Variants in SLCO3A1 observed in about 807,000 individuals in gnomAD.
SLCO3A1 encodes the protein PGE1 transporter.
Under a neutral mutation model 63.1 loss-of-function variants are expected in SLCO3A1, and 27 were observed. The ratio of observed to expected loss-of-function variants is 0.43; its 90% CI spans 0.32 to 0.59. The LOEUF is 0.59. Ranked by LOEUF, SLCO3A1 falls within the 20% of genes least tolerant of loss-of-function variation. The pLI, the probability that SLCO3A1 is intolerant of heterozygous loss-of-function variation, is 0.09. For missense variants in SLCO3A1, 773 were observed against 945.8 expected (o/e 0.82, Z 2.40); for synonymous variants, 473 against 409.9 (o/e 1.15, Z -1.86).
At chr15:92,000,412 A>T (rs1295970170) in intron 2 of SLCO3A1, among the ~76,000 whole-genome samples, 2 of 152,008 alleles carry the variant, frequency 1.3e-5, no homozygotes, top group East Asian at 1.9e-4. Flanking sequence ...TTAAAAAAAA[A>T]AAAAGAATCT....
At chr15:91,857,659 T>C (rs1474510752) in intron 1 of SLCO3A1, among the ~76,000 whole-genome samples, 2 of 152,144 alleles carry the variant, frequency 1.3e-5, no homozygotes, top group African/African-American at 2.4e-5. Flanking sequence ...TGTGTGCCTA[T>C]TGGTGTTTTG....
Position 92,157,876 on chromosome 15 carries a change from T to A in SLCO3A1, c.1754-4880T>A, listed in dbSNP as rs1169158381. ...CTGCCTGAAGGTATGATCGTGCCCA[T>A]TGTATAAACAGTGAAACTGAGATTC... On this transcript the variant is annotated intron_variant, in intron 9 of 9. Transcript: ENST00000318445. Among the ~76,000 whole-genome samples, 3 of 152,154 alleles carry A rather than the reference T, an allele frequency of 2.0e-5. No individual in the cohort carries two copies. In the South Asian group the frequency reaches 6.2e-4, roughly 32 times the overall value.
At chr15:92,021,204 G>A (rs1393902501) in intron 2 of SLCO3A1, among the ~76,000 whole-genome samples, 1 of 152,150 alleles carries the variant, frequency 6.6e-6, no homozygotes, top group Non-Finnish European at 1.5e-5. Context: ...CCTTGATAGT[G>A]CAGCAGAAGG....
At chr15:91,993,041 C>T (rs945164777) in intron 2 of SLCO3A1, among the ~76,000 whole-genome samples, 1 of 152,172 alleles carries the variant, frequency 6.6e-6, no homozygotes, top group African/African-American at 2.4e-5. Context: ...TACAACCTTT[C>T]TGGCGTGTGT....
chr15:91,961,716 C>G (rs1371525116), intron 2 of SLCO3A1, among the ~76,000 whole-genome samples: 1 of 152,236 alleles, frequency 6.6e-6, no homozygotes, highest in Non-Finnish European at 1.5e-5. Flanking sequence ...CACCTTTACT[C>G]TTAGTCGCCT....
chr15:92,115,079 A>G (rs2047777580), intron 4 of SLCO3A1, among the ~76,000 whole-genome samples: 1 of 148,594 alleles, frequency 6.7e-6, no homozygotes, highest in Non-Finnish European at 1.5e-5. Context: ...AAGAAAGTCA[A>G]GGCCAACTTC....
intron 2 of SLCO3A1, among the ~76,000 whole-genome samples, chr15:92,005,862 G>A (rs1315832891): frequency 1.3e-5 from 2 of 152,166 alleles, no homozygotes; most frequent in Non-Finnish European, 2.9e-5. Context: ...TCAAGTGGAT[G>A]TGAATTCCAC....
At chr15:91,996,153 TACA>T in intron 2 of SLCO3A1, among the ~76,000 whole-genome samples, 1 of 152,250 alleles carries the variant, frequency 6.6e-6, no homozygotes, top group Admixed American at 6.5e-5. Context: ...ATTTAACAGC[TACA>T]ACATCAGTGT....
At chr15:92,136,964 C>CT (rs1240629630) in intron 7 of SLCO3A1, among the ~76,000 whole-genome samples, 1 of 114,558 alleles carries the variant, frequency 8.7e-6, no homozygotes, top group Non-Finnish European at 1.8e-5. Flanking sequence ...ACCAAGTAGT[C>CT]TGTCTTTTTT....
Position 92,150,789 on chromosome 15 carries a change from GA to G in SLCO3A1, c.1689-150del, listed in dbSNP as rs375519277. Among the ~76,000 whole-genome samples the G allele has an allele frequency of 3.1e-3, 425 of 136,112 alleles. 1 individual carries two copies. Among genetic ancestry groups the G allele is most frequent in the African/African-American group, 5.8e-3 (212 of 36,614 alleles). 89.3% of individuals were successfully genotyped at this position (136,112 alleles called of 152,430 possible). Reference sequence around the variant, plus strand: ...GCAGTTATTTTTCAGACTTTAGGCAGAAAAAAAAAAAGACACTATTAGTAAT... The same window carrying G: ...GCAGTTATTTTTCAGACTTTAGGCAGAAAAAAAAAAGACACTATTAGTAAT... On this transcript the variant is annotated intron_variant, in intron 8 of 9. Transcript: ENST00000318445.
chr15:91,892,929 A>G (rs1292631648), intron 1 of SLCO3A1, among the ~76,000 whole-genome samples: 1 of 152,266 alleles, frequency 6.6e-6, no homozygotes, highest in Non-Finnish European at 1.5e-5. Context: ...AATCTGGTGC[A>G]TAGCAGGTGC....
At chr15:92,160,838 AACT>A (rs2048427917) in intron 9 of SLCO3A1, among the ~76,000 whole-genome samples, 1 of 152,164 alleles carries the variant, frequency 6.6e-6, no homozygotes, top group South Asian at 2.1e-4. Context: ...CTCTCTCCCC[AACT>A]GCCTTTGGAG....
chr15:92,123,532 CA>C (rs1478318416), intron 5 of SLCO3A1, among the ~76,000 whole-genome samples: 2 of 152,190 alleles, frequency 1.3e-5, no homozygotes, highest in East Asian at 3.8e-4. Context: ...TTCTTTTACA[CA>C]AAGAACTCTC....
At position 92,116,679 on chromosome 15, in the gene SLCO3A1, C is replaced by T. The variant is rs182550289; in HGVS notation, c.1010-3786C>T. 5.3e-5 allele frequency among the ~76,000 whole-genome samples: 8 copies of T among 152,316 alleles called. No individual in the cohort carries two copies. In the East Asian group the frequency reaches 1.5e-3, roughly 29 times the overall value. ...TTAACAATCTGTTTGAATGCAAAAG[C>T]TTGAAACACAGGGTTGGCCCTAGGA... On this transcript the variant is annotated intron_variant, in intron 4 of 9. Transcript: ENST00000318445.
At chr15:92,069,096 G>GCCC (rs56003783) in intron 2 of SLCO3A1, among the ~76,000 whole-genome samples, 2 of 115,740 alleles carry the variant, frequency 1.7e-5, no homozygotes, top group African/African-American at 6.8e-5. Flanking sequence ...GGCTCCCCCC[G>GCCC]CCCCCCCCCC....
At chr15:92,112,064 A>G (rs895189596) in intron 4 of SLCO3A1, among the ~76,000 whole-genome samples, 1 of 152,214 alleles carries the variant, frequency 6.6e-6, no homozygotes, top group East Asian at 1.9e-4. Flanking sequence ...AAAGGGATGA[A>G]CTGAGGACCA....
intron 2 of SLCO3A1, among the ~76,000 whole-genome samples, chr15:91,926,029 T>G (rs1306994629): frequency 5.9e-5 from 9 of 152,130 alleles, no homozygotes; most frequent in Non-Finnish European, 1.3e-4. Context: ...AGGGATAGAG[T>G]CCAGGGGAAA....
In SLCO3A1 at chr15:91,900,557, G is replaced by C. The variant is rs768159045; in HGVS notation, c.181-15436G>C. ...TTGGCCAGGCTTGTCTCAAACTGCT[G>C]ACCTCAGGTGATCCGCCCGCCTTGG... On this transcript the variant is annotated intron_variant, in intron 1 of 9. Transcript: ENST00000318445. This position sits in a 1 kb window ranked among gnomAD's most constrained non-coding sequence, Gnocchi z 4.3. Among the ~76,000 whole-genome samples the C allele has an allele frequency of 9.2e-5, 14 of 152,156 alleles. No homozygotes were observed. The highest frequency in any genetic ancestry group is 1.5e-4 in the Non-Finnish European group (10 of 68,032).
intron 7 of SLCO3A1, among the ~76,000 whole-genome samples, chr15:92,139,068 A>C (rs2048094461): frequency 1.4e-5 from 2 of 147,698 alleles, no homozygotes. Flanking sequence ...TTCAAAGGGC[A>C]TGCTTCCAGT....
Sources: gnomAD v4.1 joint callset for allele counts (sites outside exome capture counted in the v4.1 genomes callset) on GRCh38, gnomAD v4.1.1 for gene constraint, Gnocchi (gnomAD v3.1) non-coding constraint, MANE v1.5 for transcripts, NCBI Gene and HGNC (gene_info 2026-07-23, HGNC 2026-07-21) for gene names.